The following NIPSNAP1 variants were observed in gnomAD, a reference collection of about 807,000 sequenced individuals.
The protein encoded by NIPSNAP1 is nipsnap homolog 1, also known as protein NipSnap homolog 1.
NIPSNAP1 carries 25 observed loss-of-function variants against 49.2 expected under a neutral mutation model. The ratio of observed to expected loss-of-function variants is 0.51; its 90% CI spans 0.37 to 0.71. The LOEUF (loss-of-function observed/expected upper bound fraction) is 0.71. Among genes scored for constraint, NIPSNAP1 ranks in the 30% least tolerant of loss-of-function variants. NIPSNAP1 has a pLI of 0.00. For missense variants in NIPSNAP1, 294 were observed against 361.0 expected (o/e 0.81, Z 1.50); for synonymous variants, 143 against 140.7 (o/e 1.02, Z -0.12).
At chr22:29,556,174 T>C (rs1006788778) in intron 9 of NIPSNAP1, among the ~76,000 whole-genome samples, 175 bp from the exon 10 acceptor site, 1 of 152,118 alleles carries the variant, frequency 6.6e-6, no homozygotes, top group Non-Finnish European at 1.5e-5. Flanking sequence ...ATCCCTCAAA[T>C]TATGGGATAA....
At chr22:29,576,487 T>C (rs2064453452) in intron 1 of NIPSNAP1, among the ~76,000 whole-genome samples, 1 of 151,544 alleles carries the variant, frequency 6.6e-6, no homozygotes. Context: ...GTCTGTTCTG[T>C]TGTATCCCTG....
At chr22:29,557,783 T>G (rs1430076524) in intron 9 of NIPSNAP1, among the ~76,000 whole-genome samples, 1 of 152,124 alleles carries the variant, frequency 6.6e-6, no homozygotes, top group Non-Finnish European at 1.5e-5. Flanking sequence ...AGACACATTC[T>G]CCCTCATACC....
chr22:29,576,881 C>T (rs968242100), intron 1 of NIPSNAP1, among the ~76,000 whole-genome samples: 8 of 149,910 alleles, frequency 5.3e-5, no homozygotes, highest in Admixed American at 1.3e-4. Context: ...GCCGAAATCG[C>T]GCCACTGCAC....
chr22:29,566,870 T>G (rs1206556514), intron 4 of NIPSNAP1, among the ~76,000 whole-genome samples: 1 of 152,022 alleles, frequency 6.6e-6, no homozygotes, highest in Non-Finnish European at 1.5e-5. Flanking sequence ...ATGCCTGTAA[T>G]CCCAACACTT....
Position 29,555,628 on chromosome 22 carries a change from TG to T in NIPSNAP1, c.*306del. ...ATTTCCAAGGGTGATAACTGGGGAC[TG>T]GTGGCCTTGAGATGAGGAATTTTAG... On this transcript the variant is annotated 3_prime_UTR_variant, in exon 10 of 10. Transcript: ENST00000216121. 2.6e-6 allele frequency: 1 copy of T among 378,772 alleles called. No individual in the cohort carries two copies. The highest frequency in any genetic ancestry group is 5.1e-6 in the Non-Finnish European group (1 of 197,036). The allele number at this position is 378,772 out of a possible 1,614,324, so 23.5% of individuals were successfully genotyped here. A position where few individuals can be genotyped will look rare whatever the true frequency, so the allele number is the denominator to read the frequency against.
At chr22:29,568,496 GAAAA>G (rs695602) in intron 4 of NIPSNAP1, among the ~76,000 whole-genome samples, 1 of 111,468 alleles carries the variant, frequency 9.0e-6, no homozygotes, top group African/African-American at 3.5e-5. Context: ...AAAGAAAAAA[GAAAA>G]AAAAAAAAAA....
intron 2 of NIPSNAP1, 78 bp downstream of exon 2, chr22:29,570,327 C>T (rs1229356321): frequency 2.5e-6 from 4 of 1,610,248 alleles, no homozygotes; most frequent in East Asian, 2.2e-5. Flanking sequence ...TCCAGACCCT[C>T]CCATCTCCTT....
chr22:29,558,244 C>T (rs1321478747), intron 9 of NIPSNAP1, among the ~76,000 whole-genome samples: 6 of 152,056 alleles, frequency 3.9e-5, no homozygotes, highest in African/African-American at 7.2e-5. Flanking sequence ...CCGAGGCAGG[C>T]GGATCACCTG....
rs71640302 is a variant in NIPSNAP1, at chr22:29,558,859, G to C, written c.790+11C>G. 0.028 allele frequency: 44,264 copies of C among 1,604,326 alleles called. 809 individuals are homozygous for C. Among genetic ancestry groups the C allele is most frequent in the Non-Finnish European group, 0.033 (38,788 of 1,171,162 alleles). On this transcript the variant is annotated intron_variant, in intron 9 of 9. Transcript: ENST00000216121. Reference sequence around the variant, plus strand: ...GGTTCTCAGCAGAAGACCTCCAAAGGCTTCACTCACCTGTATAGTAGACAT... The same window carrying C: ...GGTTCTCAGCAGAAGACCTCCAAAGCCTTCACTCACCTGTATAGTAGACAT...
intron 8 of NIPSNAP1, among the ~76,000 whole-genome samples, chr22:29,559,716 A>G (rs931540432): frequency 1.3e-5 from 2 of 151,932 alleles, no homozygotes; most frequent in African/African-American, 4.8e-5. Context: ...CAATTCATCC[A>G]CAAGTCCTGT....
At chr22:29,568,019 A>C (rs1346685783) in intron 4 of NIPSNAP1, among the ~76,000 whole-genome samples, 1 of 150,626 alleles carries the variant, frequency 6.6e-6, no homozygotes, top group Non-Finnish European at 1.5e-5. Flanking sequence ...CTCTACCAAA[A>C]AACACAAAAA....
intron 4 of NIPSNAP1, among the ~76,000 whole-genome samples, chr22:29,568,944 C>T (rs1319141048): frequency 3.3e-5 from 5 of 152,260 alleles, no homozygotes; most frequent in South Asian, 4.1e-4. Flanking sequence ...GACAGCACAG[C>T]GAGGCATGGA....
intron 1 of NIPSNAP1, among the ~76,000 whole-genome samples, chr22:29,573,936 T>C (rs2064429713): frequency 7.6e-6 from 1 of 130,912 alleles, no homozygotes; most frequent in Non-Finnish European, 1.7e-5. Context: ...AGACCCTGTC[T>C]CAAAAAACAA....
Position 29,569,194 on chromosome 22 carries a change from T to C in NIPSNAP1, c.366A>G (p.Ala122=). 6.2e-7 allele frequency: 1 copy of C among 1,613,844 alleles called. No homozygotes were observed. Among genetic ancestry groups the C allele is most frequent in the Non-Finnish European group, 8.5e-7 (1 of 1,179,844 alleles). Residue 122 remains alanine, a splice_region_variant and synonymous_variant, in exon 4 of 10, where the codon GCA becomes GCG. Coordinates refer to ENST00000216121, the MANE Select transcript of NIPSNAP1 (RefSeq NM_003634.4). ...GCACTAGGGAGGTGAGCGCCTTACC[T>C]GCCTGGTCCTGCTCCCCATACCACG... is the stretch of plus-strand genomic sequence containing the variant. The part of the protein sequence containing the change: ...WNTWYGEQDQ[A]VHLWRFSGGY...
rs1386608715 is a variant in NIPSNAP1, at chr22:29,560,795, CT to C, written c.644del (p.Gln215ArgfsTer11). ...ARAIKYRQEN[Q>X]EAVGGFFSQI... Reference sequence around the variant, plus strand: ...GTGAGAAGAAGCCGCCCACTGCCTCCTGGTTCTCCTGCCGGTACTTGATGGC... The same window carrying C: ...GTGAGAAGAAGCCGCCCACTGCCTCCGGTTCTCCTGCCGGTACTTGATGGC... On this transcript the variant is annotated frameshift_variant, in exon 8 of 10. Coordinates refer to ENST00000216121, the MANE Select transcript of NIPSNAP1 (RefSeq NM_003634.4). LOFTEE classifies it high-confidence loss of function. 16 of 1,614,038 alleles carry C rather than the reference CT, an allele frequency of 9.9e-6. No homozygotes were observed. Among genetic ancestry groups the C allele is most frequent in the Non-Finnish European group, 1.3e-5 (15 of 1,180,052 alleles).
chr22:29,560,929 C>G (rs1003568835), intron 7 of NIPSNAP1, 101 bp from the exon 8 acceptor site: 5 of 1,140,654 alleles, frequency 4.4e-6, no homozygotes, highest in Non-Finnish European at 6.6e-6. Flanking sequence ...CTAGGTGGAA[C>G]CCACGGTCCT....
At chr22:29,580,645 GC>G (rs1233279860) in intron 1 of NIPSNAP1, among the ~76,000 whole-genome samples, 1 of 152,086 alleles carries the variant, frequency 6.6e-6, no homozygotes, top group Non-Finnish European at 1.5e-5. Context: ...ACTACCAGAA[GC>G]CCCCAGTGGG....
At chr22:29,557,915 A>G (rs1185147497) in intron 9 of NIPSNAP1, among the ~76,000 whole-genome samples, 4 of 151,898 alleles carry the variant, frequency 2.6e-5, no homozygotes, top group Non-Finnish European at 5.9e-5. Flanking sequence ...ATTAACACCC[A>G]CTGACTCTAG....
chr22:29,574,288 A>AG (rs2064434213), intron 1 of NIPSNAP1, among the ~76,000 whole-genome samples: 9 of 110,962 alleles, frequency 8.1e-5, no homozygotes, highest in Non-Finnish European at 1.4e-4. Context: ...AAAAAAAAAA[A>AG]AAAAGAAAGA....
Sources: gnomAD v4.1 joint callset for allele counts (sites outside exome capture counted in the v4.1 genomes callset) on GRCh38, gnomAD v4.1.1 for gene constraint, MANE v1.5 for transcripts, NCBI Gene and HGNC (gene_info 2026-07-23, HGNC 2026-07-21) for gene names.